The following SELENOT variants were observed in gnomAD, a reference collection of about 807,000 sequenced individuals.
SELENOT encodes the protein selenoprotein T, also known as thioredoxin reductase-like selenoprotein T.
In SELENOT, 9 loss-of-function variants were observed where a neutral mutation model predicts 24.3. The ratio of observed to expected loss-of-function variants is 0.37; its 90% CI spans 0.22 to 0.65. SELENOT has a LOEUF of 0.65. Among genes scored for constraint, SELENOT ranks in the 30% least tolerant of loss-of-function variants. The pLI is 0.60. For synonymous variants in SELENOT, 81 were observed against 86.0 expected (o/e 0.94, Z 0.32); for missense variants, 166 against 247.6 (o/e 0.67, Z 2.21).
At chr3:150,622,681 G>A (rs1403211370) in intron 2 of SELENOT, among the ~76,000 whole-genome samples, 186 bp downstream of exon 2, 1 of 152,088 alleles carries the variant, frequency 6.6e-6, no homozygotes, top group Non-Finnish European at 1.5e-5. Context: ...CTGTAAGAAG[G>A]AAGAGGGTCG....
chr3:150,625,505 T>C (rs1334645735), intron 4 of SELENOT, among the ~76,000 whole-genome samples: 4 of 152,256 alleles, frequency 2.6e-5, no homozygotes, highest in African/African-American at 9.6e-5. Flanking sequence ...TTCAAAAATC[T>C]ACCTTCTGTT....
intron 1 of SELENOT, among the ~76,000 whole-genome samples, chr3:150,621,107 G>C (rs1372241023): frequency 1.3e-5 from 2 of 152,132 alleles, no homozygotes; most frequent in African/African-American, 4.8e-5. Flanking sequence ...ACATTAGGTG[G>C]ATGTTAAGGA....
At position 150,623,187 on chromosome 3, in the gene SELENOT, T is replaced by A. The variant is rs752357838; in HGVS notation, c.375+18T>A. ...AAAATAAGGTATGTAACTTAATAGC[T>A]TTGGTAACTGTAGGTTTTTATGTTG... On this transcript the variant is annotated intron_variant, in intron 3 of 5. Transcript: ENST00000471696. 3.2e-6 allele frequency: 5 copies of A among 1,570,672 alleles called. No individual in the cohort carries two copies. In the South Asian group the frequency reaches 6.1e-5, roughly 19 times the overall value.
intron 1 of SELENOT, among the ~76,000 whole-genome samples, chr3:150,607,108 G>A (rs1207090543): frequency 6.6e-6 from 1 of 152,170 alleles, no homozygotes; most frequent in African/African-American, 2.4e-5. Flanking sequence ...CTGAATTGCT[G>A]AGAATAGTAG....
chr3:150,604,293 C>G (rs1357697869), intron 1 of SELENOT, among the ~76,000 whole-genome samples: 1 of 152,104 alleles, frequency 6.6e-6, no homozygotes, highest in African/African-American at 2.4e-5. Flanking sequence ...TTGTTTTTAA[C>G]CTAATCGTTA....
At chr3:150,604,304 G>A (rs1725909035) in intron 1 of SELENOT, among the ~76,000 whole-genome samples, 1 of 152,184 alleles carries the variant, frequency 6.6e-6, no homozygotes, top group African/African-American at 2.4e-5. Context: ...CTAATCGTTA[G>A]AAGCAGGGCA....
intron 4 of SELENOT, among the ~76,000 whole-genome samples, chr3:150,626,674 A>G (rs764099265): frequency 6.6e-6 from 1 of 151,678 alleles, no homozygotes. Flanking sequence ...ATGAATCCCC[A>G]CTCTGTCTTG....
Position 150,629,361 on chromosome 3 carries a change from T to C in SELENOT, c.*1732T>C, listed in dbSNP as rs1476930207. 1 of 152,656 alleles carries C rather than the reference T, an allele frequency of 6.6e-6. No individual in the cohort carries two copies. Among genetic ancestry groups the C allele is most frequent in the Admixed American group, 6.5e-5 (1 of 15,282 alleles). 9.5% of individuals were successfully genotyped at this position (152,656 alleles called of 1,614,324 possible). Reference sequence around the variant, plus strand: ...TATTCAAGTTCCTTAGAAATTGTTATTTAGGTATAATATCATCTTGTCTTT... The same window carrying C: ...TATTCAAGTTCCTTAGAAATTGTTACTTAGGTATAATATCATCTTGTCTTT... On this transcript the variant is annotated 3_prime_UTR_variant, in exon 6 of 6. Transcript: ENST00000471696.
In SELENOT at chr3:150,603,673, C is replaced by T. The variant is rs1012092619; in HGVS notation, c.137+174C>T. On this transcript the variant is annotated intron_variant, in intron 1 of 5. Coordinates refer to ENST00000471696, the MANE Select transcript of SELENOT (RefSeq NM_016275.5). ...GCGGCCCCTTAGCGCGGTCAGGCCG[C>T]CCTCCTTTTCCAGGTATAACTGCTC... The T allele has an allele frequency of 3.2e-5, 22 of 684,778 alleles. No individual in the cohort carries two copies. The African/African-American group carries it at 3.5e-4, about 11-fold the overall frequency. The allele number at this position is 684,778 out of a possible 1,614,324, so 42.4% of individuals were successfully genotyped here.
chr3:150,611,833 A>G (rs984859819), intron 1 of SELENOT: 2 of 937,062 alleles, frequency 2.1e-6, no homozygotes, highest in African/African-American at 3.4e-5. Context: ...CACAGCGGCC[A>G]CTGCGGCTGC....
intron 1 of SELENOT, among the ~76,000 whole-genome samples, chr3:150,608,825 A>G (rs1214933631): frequency 1.3e-5 from 2 of 152,260 alleles, no homozygotes; most frequent in Non-Finnish European, 2.9e-5. Flanking sequence ...TTTTAGATAT[A>G]GGTAAACATG....
chr3:150,621,119 A>G (rs1389262157), intron 1 of SELENOT, among the ~76,000 whole-genome samples: 1 of 152,210 alleles, frequency 6.6e-6, no homozygotes, highest in Admixed American at 6.5e-5. Flanking sequence ...TGTTAAGGAT[A>G]GTATTTGGAG....
Position 150,623,110 on chromosome 3 carries a change from C to G in SELENOT, c.316C>G (p.Pro106Ala). ...LIGLIIVGKD[P>A]FAFFGMQAPS... ...AGGCTTAATAATTGTTGGCAAGGAT[C>G]CTTTTGCTTTCTTTGGCATGCAAGC... The change falls in exon 3 of 6, where the codon CCT (proline) becomes GCT (alanine). Residue 106 changes from proline (P) to alanine (A), a missense_variant. This residue lies in a region of SELENOT where 71 missense variants were observed against 89.2 expected (regional missense o/e 0.80). Coordinates refer to ENST00000471696, the MANE Select transcript of SELENOT (RefSeq NM_016275.5). 1 of 1,605,718 alleles carries G rather than the reference C, an allele frequency of 6.2e-7. No homozygotes were observed. The highest frequency in any genetic ancestry group is 1.1e-5 in the South Asian group (1 of 89,782).
At chr3:150,618,236 A>G (rs1726262154) in intron 1 of SELENOT, among the ~76,000 whole-genome samples, 2 of 152,238 alleles carry the variant, frequency 1.3e-5, no homozygotes, top group Admixed American at 1.3e-4. Context: ...TTTCTGGAAC[A>G]TCAGCTATGA....
chr3:150,622,995 G>C (rs1726373109), intron 2 of SELENOT, 48 bp from the exon 3 acceptor site: 10 of 1,459,876 alleles, frequency 6.8e-6, no homozygotes, highest in Non-Finnish European at 9.1e-6. Flanking sequence ...TTTTAAAGTA[G>C]ATTGGAAATT....
chr3:150,624,692 TATGTTATCTG>T (rs1726404211), intron 3 of SELENOT, 110 bp from the exon 4 acceptor site: 2 of 555,644 alleles, frequency 3.6e-6, no homozygotes, highest in Non-Finnish European at 6.2e-6. Context: ...TTGCTCTATG[TATGTTATCTG>T]AACATATGGA....
intron 1 of SELENOT, among the ~76,000 whole-genome samples, chr3:150,607,798 C>G (rs991302893): frequency 3.3e-5 from 5 of 152,162 alleles, no homozygotes; most frequent in African/African-American, 1.2e-4. Context: ...AGCCTACTGA[C>G]CTCAGAGACC....
intron 1 of SELENOT, among the ~76,000 whole-genome samples, chr3:150,606,620 T>C (rs951589769): frequency 8.5e-5 from 13 of 152,292 alleles, no homozygotes; most frequent in Middle Eastern, 3.4e-3. Context: ...TTTGAGACAG[T>C]GTTGCTTTGT....
Position 150,622,480 on chromosome 3 carries a change from C to A in SELENOT, c.233C>A (p.Pro78His). The A allele has an allele frequency of 1.4e-6, 2 of 1,477,196 alleles. No individual in the cohort carries two copies. Among genetic ancestry groups the A allele is most frequent in the South Asian group, 1.3e-5 (1 of 76,238 alleles). The allele number at this position is 1,477,196 out of a possible 1,614,324, so 91.5% of individuals were successfully genotyped here. A position where few individuals can be genotyped will look rare whatever the true frequency, so the allele number is the denominator to read the frequency against. Residue 78 changes from proline to histidine, a missense_variant, in exon 2 of 6, where the codon CCT becomes CAT. Pro to His is a moderately conservative substitution (Grantham distance 77, BLOSUM62 -2). Transcript: ENST00000471696. ...DIRIEGENYLPQPIYRHIASF... is the reference protein window; with the variant it reads ...DIRIEGENYLHQPIYRHIASF... ...CGCATTGAAGGAGAGAATTACCTCC[C>A]TCAACCAATATATAGGTAAGAAATT...
Sources: gnomAD v4.1 joint callset for allele counts (sites outside exome capture counted in the v4.1 genomes callset) on GRCh38, gnomAD v4.1.1 for gene constraint, gnomAD v4.1.1 regional missense constraint, MANE v1.5 for transcripts, NCBI Gene and HGNC (gene_info 2026-07-23, HGNC 2026-07-21) for gene names.